Variants in CIDEC observed in about 807,000 individuals in gnomAD.
The protein encoded by CIDEC is cell death inducing DFFA like effector c, also known as lipid transferase CIDEC.
CIDEC carries 11 observed loss-of-function variants against 21.9 expected under a neutral mutation model. The observed-to-expected ratio is 0.50, with a 90% CI of 0.32 to 0.83. The LOEUF is 0.83. CIDEC is among the 40% of genes least tolerant of loss of function. The probability of loss-of-function intolerance (pLI) is 0.04; values close to 1 mark genes in which losing one functional copy is unlikely to be tolerated. For missense variants in CIDEC, 302 were observed against 302.3 expected (o/e 1.00, Z 0.01); for synonymous variants, 127 against 124.9 (o/e 1.02, Z -0.11).
At chr3:9,867,587 T>C (rs2082290187) in intron 6 of CIDEC, among the ~76,000 whole-genome samples, 1 of 152,156 alleles carries the variant, frequency 6.6e-6, no homozygotes, top group African/African-American at 2.4e-5. Context: ...ACCACTGCAC[T>C]CCAGCCTGGG....
intron 6 of CIDEC, 37 bp downstream of exon 6, chr3:9,869,845 T>C (rs2082320837): frequency 1.3e-6 from 2 of 1,596,766 alleles, no homozygotes; most frequent in African/African-American, 2.7e-5. Context: ...CCATTGCCTG[T>C]ACCCACCCTG....
intron 4 of CIDEC, among the ~76,000 whole-genome samples, chr3:9,871,733 G>A (rs1470345357): frequency 6.6e-6 from 1 of 151,890 alleles, no homozygotes; most frequent in African/African-American, 2.4e-5. Flanking sequence ...GGGTTCAAGC[G>A]ATTCTCCTGC....
In CIDEC at chr3:9,867,238, T is replaced by C. The variant is rs1210648713; in HGVS notation, c.613A>G (p.Thr205Ala). The change falls in exon 7 of 7, where the codon ACC (threonine) becomes GCC (alanine). Residue 205 changes from threonine (T) to alanine (A), a missense_variant. Thr to Ala is a moderately conservative substitution (Grantham distance 58). Coordinates refer to ENST00000336832, the MANE Select transcript of CIDEC (RefSeq NM_001321142.2). ...AGGAGCTGCTGCAGGTAACAGGAGG[T>C]GCCAAGCAGTACGTGGCCTGTGGCC... is the stretch of plus-strand genomic sequence containing the variant. ...MQATGHVLLG[T>A]SCYLQQLLDA... 6.2e-7 allele frequency: 1 copy of C among 1,613,938 alleles called. No individual in the cohort carries two copies. Among genetic ancestry groups the C allele is most frequent in the South Asian group, 1.1e-5 (1 of 91,076 alleles).
chr3:9,879,170 T>C (rs1337089517), intron 1 of CIDEC, 116 bp from the exon 2 acceptor site: 2 of 199,882 alleles, frequency 1.0e-5, no homozygotes, highest in African/African-American at 4.7e-5. Flanking sequence ...AATTTTTTTT[T>C]TTTTTGAGTT....
chr3:9,870,478 G>T, intron 4 of CIDEC, 156 bp from the exon 5 acceptor site: 1 of 1,531,036 alleles, frequency 6.5e-7, no homozygotes, highest in Non-Finnish European at 8.8e-7. Flanking sequence ...TCCTAGTCTA[G>T]AATAATATTG....
chr3:9,870,313 T>G lies in CIDEC; in HGVS notation c.217A>C (p.Thr73Pro). ...AAGGGCTTGTCTGCCAGCATCAGAGTGTCCCGGACCTGGGGAATAAGGTCA... is the reference window on the plus strand; with the variant it reads ...AAGGGCTTGTCTGCCAGCATCAGAGGGTCCCGGACCTGGGGAATAAGGTCA... Reference protein sequence around the residue: ...LEDLLLKVRDTLMLADKPFFL... With the variant: ...LEDLLLKVRDPLMLADKPFFL... Residue 73 changes from threonine to proline, a missense_variant, in exon 5 of 7, where the codon ACT becomes CCT. Transcript: ENST00000336832. 1 of 1,613,648 alleles carries G rather than the reference T, an allele frequency of 6.2e-7. No homozygotes were observed. The highest frequency in any genetic ancestry group is 2.2e-5 in the East Asian group (1 of 44,874).
intron 4 of CIDEC, among the ~76,000 whole-genome samples, chr3:9,876,358 C>T (rs2082422486): frequency 6.6e-6 from 1 of 152,102 alleles, no homozygotes; most frequent in Non-Finnish European, 1.5e-5. Context: ...CCTGTAGTCC[C>T]AGCTTCTTGG....
chr3:9,878,666 C>T (rs2082463593), intron 2 of CIDEC, 155 bp from the exon 3 acceptor site: 4 of 1,340,540 alleles, frequency 3.0e-6, no homozygotes, highest in African/African-American at 1.4e-5. Context: ...CTTCTCCTGT[C>T]CGGCCCCATG....
Position 9,879,026 on chromosome 3 carries a change from T to C in CIDEC, c.-110A>G. On this transcript the variant is annotated 5_prime_UTR_variant, in exon 2 of 7. Transcript: ENST00000336832. ...TCCTTGAGCAATCCGAGCCCCTTCC[T>C]GAGGCTTCACAGTGGCCAAAAGAAC... is the stretch of plus-strand genomic sequence containing the variant. 1 of 600,644 alleles carries C rather than the reference T, an allele frequency of 1.7e-6. No individual in the cohort carries two copies. The highest frequency in any genetic ancestry group is 2.0e-5 in the South Asian group (1 of 50,324). 37.2% of individuals were successfully genotyped at this position (600,644 alleles called of 1,614,324 possible). A position where few individuals can be genotyped will look rare whatever the true frequency, so the allele number is the denominator to read the frequency against.
chr3:9,876,246 G>A (rs143897403), intron 4 of CIDEC, among the ~76,000 whole-genome samples: 1 of 152,200 alleles, frequency 6.6e-6, no homozygotes, highest in East Asian at 1.9e-4. Flanking sequence ...GGCAGAGGTG[G>A]GTGGATTACC....
At chr3:9,878,332 G>T in intron 3 of CIDEC, 102 bp downstream of exon 3, 1 of 915,822 alleles carries the variant, frequency 1.1e-6, no homozygotes, top group Non-Finnish European at 1.8e-6. Context: ...ATCTGCACTT[G>T]AACAAGGTCC....
chr3:9,879,774 C>T (rs1335862409), intron 1 of CIDEC, among the ~76,000 whole-genome samples: 1 of 152,136 alleles, frequency 6.6e-6, no homozygotes, highest in Non-Finnish European at 1.5e-5. Flanking sequence ...AGACCACTCC[C>T]AAAATTATTA....
At chr3:9,871,599 T>A (rs2082348801) in intron 4 of CIDEC, among the ~76,000 whole-genome samples, 1 of 152,062 alleles carries the variant, frequency 6.6e-6, no homozygotes, top group Non-Finnish European at 1.5e-5. Context: ...ACTGATGCTT[T>A]CATTGTCTGT....
At chr3:9,879,727 T>A (rs1307370345) in intron 1 of CIDEC, among the ~76,000 whole-genome samples, 1 of 152,138 alleles carries the variant, frequency 6.6e-6, no homozygotes, top group Non-Finnish European at 1.5e-5. Context: ...AAGCCTCAGT[T>A]TCATTGCTTT....
chr3:9,870,606 G>C (rs893439142), intron 4 of CIDEC: 25 of 773,966 alleles, frequency 3.2e-5, no homozygotes, highest in Non-Finnish European at 4.6e-5. Context: ...TCGCAAAGTT[G>C]TGCAACAATC....
chr3:9,867,408 T>G (rs2082287642), intron 6 of CIDEC, 112 bp from the exon 7 acceptor site: 1 of 1,110,896 alleles, frequency 9.0e-7, no homozygotes, highest in South Asian at 1.3e-5. Context: ...TAACCTGAGG[T>G]CAGGAGTTTG....
intron 4 of CIDEC, among the ~76,000 whole-genome samples, chr3:9,873,008 T>C (rs1407154590): frequency 4.6e-5 from 7 of 152,074 alleles, no homozygotes; most frequent in African/African-American, 1.7e-4. Context: ...GTTTTATTGC[T>C]GATGAAGTCC....
chr3:9,875,487 A>C (rs1347609397), intron 4 of CIDEC, among the ~76,000 whole-genome samples: 2 of 152,212 alleles, frequency 1.3e-5, no homozygotes, highest in Non-Finnish European at 2.9e-5. Context: ...AAAGTCAAGG[A>C]AACACTGAAA....
Position 9,877,195 on chromosome 3 carries a change from C to T in CIDEC, c.78G>A (p.Val26=), listed in dbSNP as rs1217872023. 2 of 1,550,606 alleles carry T rather than the reference C, an allele frequency of 1.3e-6. No homozygotes were observed. The highest frequency in any genetic ancestry group is 2.0e-5 in the Admixed American group (1 of 51,020). The change falls in exon 4 of 7, where the codon GTG becomes GTA. Residue 26 remains valine (V), a synonymous_variant. Coordinates refer to ENST00000336832, the MANE Select transcript of CIDEC (RefSeq NM_001321142.2). ...GCTCCGACAGCAGCTGCTGGGTCAC[C>T]ACAGAGGTACGCACTGACACATGCC... is the stretch of plus-strand genomic sequence containing the variant. ...LSRHVSVRTS[V]VTQQLLSEPS...
Sources: gnomAD v4.1 joint callset for allele counts (sites outside exome capture counted in the v4.1 genomes callset) on GRCh38, gnomAD v4.1.1 for gene constraint, MANE v1.5 for transcripts, NCBI Gene and HGNC (gene_info 2026-07-23, HGNC 2026-07-21) for gene names.